SLC13A3: variants seen among roughly 807,000 people sequenced by gnomAD.
SLC13A3 encodes the protein solute carrier family 13 member 3, also known as Na(+)/dicarboxylate cotransporter 3.
SLC13A3 carries 40 observed loss-of-function variants against 59.0 expected under a neutral mutation model. The ratio of observed to expected loss-of-function variants is 0.68; its 90% CI spans 0.53 to 0.88. The LOEUF (loss-of-function observed/expected upper bound fraction) is 0.88, where lower values mean the gene tolerates loss of function less well. SLC13A3 is among the 40% of genes least tolerant of loss of function. The pLI is 0.00. For missense variants in SLC13A3, 699 were observed against 783.2 expected (o/e 0.89, Z 1.28); for synonymous variants, 317 against 330.3 (o/e 0.96, Z 0.44).
chr20:46,667,405 T>A (rs561326522), intron 1 of SLC13A3, among the ~76,000 whole-genome samples: 1 of 152,352 alleles, frequency 6.6e-6, no homozygotes, highest in South Asian at 2.1e-4. Flanking sequence ...TTGGATTCCC[T>A]GTTCCAGAAC....
chr20:46,683,664 C>A (rs2063164540), intron 1 of SLC13A3, among the ~76,000 whole-genome samples: 1 of 152,202 alleles, frequency 6.6e-6, no homozygotes, highest in Non-Finnish European at 1.5e-5. Flanking sequence ...TATTCTCTTT[C>A]TTTCAACTAT....
chr20:46,573,055 G>A (rs760179234), intron 10 of SLC13A3, among the ~76,000 whole-genome samples: 6 of 152,188 alleles, frequency 3.9e-5, no homozygotes, highest in Admixed American at 1.3e-4. Flanking sequence ...TGTGTCTCAC[G>A]ATTCCTAAAA....
upstream of SLC13A3, chr20:46,673,593 A>T (rs897992578): frequency 2.0e-5 from 3 of 152,006 alleles, no homozygotes; most frequent in Non-Finnish European, 4.4e-5. Flanking sequence ...CTCAAATGTC[A>T]CCTCCTCAGA....
At chr20:46,583,775 A>T in intron 8 of SLC13A3, 106 bp from the exon 9 acceptor site, 5 of 1,518,924 alleles carry the variant, frequency 3.3e-6, no homozygotes, top group Non-Finnish European at 4.4e-6. Context: ...GCCTGCTGTG[A>T]AGGGGCCATT....
rs555893549 is a variant in SLC13A3 at position 46,578,430 on chromosome 20, C to T, written c.1220-2745G>A. On this transcript the variant is annotated intron_variant, in intron 9 of 12. Coordinates refer to ENST00000279027, the MANE Select transcript of SLC13A3 (RefSeq NM_022829.6). The stretch of plus-strand genomic sequence containing the variant: ...GTGGTTCACGCCTGTAATTCCAGCA[C>T]TTTGGGAGGACAAGGTGGGCGGGTC... Among the ~76,000 whole-genome samples the T allele has an allele frequency of 1.0e-3, 156 of 151,786 alleles. 3 individuals carry two copies. The highest frequency in any genetic ancestry group is 9.8e-3 in the Admixed American group (150 of 15,244).
chr20:46,642,849 T>C (rs920305349), intron 1 of SLC13A3, among the ~76,000 whole-genome samples: 2 of 152,084 alleles, frequency 1.3e-5, no homozygotes, highest in South Asian at 2.1e-4. Context: ...CCAGGGGAGA[T>C]AGGCGACAGC....
At chr20:46,614,800 A>T (rs1410169469) in intron 1 of SLC13A3, among the ~76,000 whole-genome samples, 1 of 152,214 alleles carries the variant, frequency 6.6e-6, no homozygotes, top group Non-Finnish European at 1.5e-5. Flanking sequence ...AGACCTTCAT[A>T]CAAGTGCCCT....
chr20:46,636,406 C>T (rs899519160), intron 1 of SLC13A3, among the ~76,000 whole-genome samples: 9 of 152,184 alleles, frequency 5.9e-5, no homozygotes, highest in Non-Finnish European at 1.2e-4. Flanking sequence ...AATTTTTTGA[C>T]TGATTGTATT....
At chr20:46,640,577 C>T (rs900671574) in intron 1 of SLC13A3, among the ~76,000 whole-genome samples, 3 of 152,192 alleles carry the variant, frequency 2.0e-5, no homozygotes, top group East Asian at 1.9e-4. Context: ...GCACCTACTG[C>T]GTGTCAGCAC....
chr20:46,681,448 A>AAGGAGGG (rs1408475688), intron 1 of SLC13A3, among the ~76,000 whole-genome samples: 3 of 151,700 alleles, frequency 2.0e-5, no homozygotes, highest in Non-Finnish European at 2.9e-5. Context: ...GAAAGAGGGG[A>AAGGAGGG]AGGAGGGAGG....
intron 9 of SLC13A3, among the ~76,000 whole-genome samples, chr20:46,581,416 A>T (rs540336862): frequency 1.3e-5 from 2 of 152,352 alleles, no homozygotes; most frequent in East Asian, 3.9e-4. Context: ...TTACTCTCAG[A>T]TGCAGCAATG....
chr20:46,677,593 G>A (rs994773407), intron 1 of SLC13A3, among the ~76,000 whole-genome samples: 5 of 152,184 alleles, frequency 3.3e-5, no homozygotes, highest in Non-Finnish European at 7.3e-5. Flanking sequence ...GAGACTATGG[G>A]TGAAACCAGG....
intron 1 of SLC13A3, among the ~76,000 whole-genome samples, chr20:46,664,688 G>C (rs1420369349): frequency 6.6e-6 from 1 of 152,192 alleles, no homozygotes; most frequent in Non-Finnish European, 1.5e-5. Context: ...AAGCAGCAAA[G>C]GGAAGTTGAG....
chr20:46,569,894 G>A (rs1273440010), intron 10 of SLC13A3, among the ~76,000 whole-genome samples: 1 of 152,118 alleles, frequency 6.6e-6, no homozygotes, highest in South Asian at 2.1e-4. Flanking sequence ...TTATAAGGGG[G>A]TTTGTTATGG....
At chr20:46,660,693 T>A (rs1259011358) in intron 1 of SLC13A3, among the ~76,000 whole-genome samples, 1 of 152,224 alleles carries the variant, frequency 6.6e-6, no homozygotes, top group Non-Finnish European at 1.5e-5. Context: ...AATTTTGGTA[T>A]ATTTCCCGTC....
intron 1 of SLC13A3, among the ~76,000 whole-genome samples, chr20:46,650,561 A>G (rs1035324995): frequency 3.3e-5 from 5 of 152,182 alleles, no homozygotes; most frequent in Non-Finnish European, 5.9e-5. Flanking sequence ...GTTTAGTTAT[A>G]AGAGATTTAC....
upstream of SLC13A3, among the ~76,000 whole-genome samples, chr20:46,673,244 A>G (rs2063103136): frequency 6.6e-6 from 1 of 152,188 alleles, no homozygotes; most frequent in Admixed American, 6.5e-5. Context: ...ACCCCTAATT[A>G]CAGGGAAGTA....
chr20:46,582,982 GTCCCCAACAC>G, intron 9 of SLC13A3: 1 of 985,476 alleles, frequency 1.0e-6, no homozygotes, highest in South Asian at 4.7e-5. Context: ...TTTTTCCTCA[GTCCCCAACAC>G]TTCCTATACG....
chr20:46,600,035 C>A lies in SLC13A3; in HGVS notation c.544G>T (p.Ala182Ser). The A allele has an allele frequency of 1.3e-6, 2 of 1,558,876 alleles. No individual in the cohort carries two copies. Among genetic ancestry groups the A allele is most frequent in the South Asian group, 1.2e-5 (1 of 84,140 alleles). The change falls in exon 4 of 13, where the codon GCT becomes TCT. Residue 182 changes from alanine (A) to serine (S), a missense_variant and splice_region_variant. Physicochemically the swap from Ala to Ser is moderately conservative, Grantham distance 99 (BLOSUM62 1). Transcript: ENST00000279027. ...PSQESEENTA[A>S]VRRNGLHTVP... is the part of the protein sequence containing the mutation. ...GTGTGTAGGCCGTTTCTCCGCACAG[C>A]AGCTAGGAGGAAAGAGCATGATGTC...
Sources: gnomAD v4.1 joint callset for allele counts (sites outside exome capture counted in the v4.1 genomes callset) on GRCh38, gnomAD v4.1.1 for gene constraint, MANE v1.5 for transcripts, NCBI Gene and HGNC (gene_info 2026-07-23, HGNC 2026-07-21) for gene names.